PRKN: variants seen among roughly 807,000 people sequenced by gnomAD.
The protein encoded by PRKN is parkin RBR E3 ubiquitin protein ligase.
Under a neutral mutation model 59.5 loss-of-function variants are expected in PRKN, and 56 were observed. That is an observed-to-expected ratio of 0.94 (90% CI 0.76 to 1.18). The LOEUF is 1.18. PRKN is among the 50% of genes most tolerant of loss of function. The pLI, the probability that PRKN is intolerant of heterozygous loss-of-function variation, is 0.00. For missense variants in PRKN, 657 were observed against 596.4 expected, an observed-to-expected ratio of 1.10 and a Z score of -1.06; for synonymous variants, 250 against 222.1, an observed-to-expected ratio of 1.13 and a Z score of -1.12.
intron 9 of PRKN, among the ~76,000 whole-genome samples, chr6:161,535,440 T>G (rs1314139695): frequency 6.6e-6 from 1 of 152,140 alleles, no homozygotes; most frequent in Non-Finnish European, 1.5e-5. Flanking sequence ...TGCACACAAG[T>G]GAATGGTATT....
Position 161,545,404 on chromosome 6 carries a change from C to T in PRKN, c.1083+3450G>A, listed in dbSNP as rs773046024. On this transcript the variant is annotated intron_variant, in intron 9 of 11. Transcript: ENST00000366898. The surrounding 1 kb of genome is among the most constrained non-coding windows in gnomAD (Gnocchi z 4.1). Reference sequence around the variant, plus strand: ...TATTGAATGAGGCACTCACTTCTCCCTGAGGCAGCTTATTTTGTTCTTCGT... The same window carrying T: ...TATTGAATGAGGCACTCACTTCTCCTTGAGGCAGCTTATTTTGTTCTTCGT... The T allele has an allele frequency of 1.1e-5, 18 of 1,612,428 alleles. No individual in the cohort carries two copies. Among genetic ancestry groups the T allele is most frequent in the Non-Finnish European group, 1.5e-5 (18 of 1,179,588 alleles).
chr6:161,728,039 G>A (rs528075257), intron 7 of PRKN, among the ~76,000 whole-genome samples: 2 of 151,994 alleles, frequency 1.3e-5, no homozygotes, highest in African/African-American at 4.8e-5. Flanking sequence ...ACCCATTTTC[G>A]CTTCACTGAT....
intron 7 of PRKN, among the ~76,000 whole-genome samples, chr6:161,776,839 G>A (rs1789946413): frequency 6.6e-6 from 1 of 152,166 alleles, no homozygotes; most frequent in Non-Finnish European, 1.5e-5. Context: ...GATCCTGGTT[G>A]CTTAATGATA....
At chr6:161,948,551 G>A (rs1779866270) in intron 6 of PRKN, among the ~76,000 whole-genome samples, 1 of 152,152 alleles carries the variant, frequency 6.6e-6, no homozygotes, top group Non-Finnish European at 1.5e-5. Context: ...TAAAGAAGGA[G>A]GTGAGAGTTG....
intron 3 of PRKN, among the ~76,000 whole-genome samples, chr6:162,209,751 T>C (rs888083904): frequency 1.3e-5 from 2 of 152,122 alleles, no homozygotes; most frequent in Non-Finnish European, 2.9e-5. Flanking sequence ...ATGTGGCACA[T>C]ATACACCGTG....
intron 1 of PRKN, among the ~76,000 whole-genome samples, chr6:162,449,878 A>C (rs1380575786): frequency 1.3e-5 from 2 of 152,218 alleles, no homozygotes; most frequent in Non-Finnish European, 2.9e-5. Context: ...TGAACAAAAA[A>C]AATGAAGATT....
At chr6:162,172,050 ACTGTTTTATAG>A (rs1358887233) in intron 4 of PRKN, among the ~76,000 whole-genome samples, 3 of 152,212 alleles carry the variant, frequency 2.0e-5, no homozygotes, top group Non-Finnish European at 4.4e-5. Flanking sequence ...GGGTCCTGTT[ACTGTTTTATAG>A]CTGAGGATAT....
rs182905199 is a variant in PRKN, at chr6:161,526,979, G to A, written c.1083+21875C>T. Among the ~76,000 whole-genome samples, 3 of 152,236 alleles carry A rather than the reference G, an allele frequency of 2.0e-5. No homozygotes were observed. The highest frequency in any genetic ancestry group is 1.3e-4 in the Admixed American group (2 of 15,286). ...AAGGTGAGGGGAGGAAATGTATGAT[G>A]AACAAAGGCTATCTTGTTATACCGA... On this transcript the variant is annotated intron_variant, in intron 9 of 11. Transcript: ENST00000366898. The surrounding 1 kb of genome is among the most constrained non-coding windows in gnomAD (Gnocchi z 4.1).
intron 2 of PRKN, among the ~76,000 whole-genome samples, chr6:162,281,931 G>A (rs1780928921): frequency 7.6e-6 from 1 of 132,374 alleles, no homozygotes; most frequent in Non-Finnish European, 1.6e-5. Flanking sequence ...CAGATCATCA[G>A]GCATTAGTTA....
At chr6:162,151,976 A>G (rs1470116330) in intron 4 of PRKN, among the ~76,000 whole-genome samples, 2 of 152,220 alleles carry the variant, frequency 1.3e-5, no homozygotes, top group Admixed American at 1.3e-4. Context: ...AAATAATTAT[A>G]ATGCTTTATG....
chr6:162,537,227 C>T (rs1196476680), intron 1 of PRKN, among the ~76,000 whole-genome samples: 2 of 152,090 alleles, frequency 1.3e-5, no homozygotes, highest in Non-Finnish European at 2.9e-5. Flanking sequence ...CTAATCAATA[C>T]ACGGAAATTT....
intron 7 of PRKN, among the ~76,000 whole-genome samples, chr6:161,700,196 T>C (rs1015257991): frequency 6.6e-6 from 1 of 152,108 alleles, no homozygotes; most frequent in Admixed American, 6.6e-5. Context: ...TCCTTGGCTA[T>C]ACTAATTCCT....
chr6:161,821,228 A>C (rs1390982954), intron 6 of PRKN, among the ~76,000 whole-genome samples: 2 of 152,146 alleles, frequency 1.3e-5, no homozygotes, highest in Non-Finnish European at 2.9e-5. Context: ...ATACCCACTG[A>C]TATCAGTCTG....
chr6:161,657,211 A>AC lies in PRKN; in HGVS notation c.872-87796dup, dbSNP rs200636332. On this transcript the variant is annotated intron_variant, in intron 7 of 11. Coordinates refer to ENST00000366898, the MANE Select transcript of PRKN (RefSeq NM_004562.3). Reference sequence around the variant, plus strand: ...TCACCTTAACTCTTCGTTCTCTTTGACCCCCACATCTCAGCTTGTCCCAGT... The same window carrying AC: ...TCACCTTAACTCTTCGTTCTCTTTGACCCCCCACATCTCAGCTTGTCCCAGT... 8.2e-3 allele frequency among the ~76,000 whole-genome samples: 1,237 copies of AC among 151,734 alleles called. 29 individuals carry two copies. Among genetic ancestry groups the AC allele is most frequent in the African/African-American group, 0.029 (1,179 of 41,366 alleles).
intron 2 of PRKN, among the ~76,000 whole-genome samples, chr6:162,348,456 T>G (rs906547223): frequency 6.6e-6 from 1 of 152,118 alleles, no homozygotes; most frequent in Non-Finnish European, 1.5e-5. Flanking sequence ...TGACGAGGAA[T>G]GCAATAAATA....
intron 5 of PRKN, among the ~76,000 whole-genome samples, chr6:162,045,675 AGAT>A (rs1232641502): frequency 1.3e-5 from 2 of 152,248 alleles, no homozygotes; most frequent in African/African-American, 2.4e-5. Context: ...TGAGTAAGAC[AGAT>A]GATAGCTCCT....
At chr6:162,508,774 C>T (rs1197772130) in intron 1 of PRKN, among the ~76,000 whole-genome samples, 1 of 152,064 alleles carries the variant, frequency 6.6e-6, no homozygotes, top group African/African-American at 2.4e-5. Context: ...GCTATATAAG[C>T]CCGGGAGGTT....
intron 5 of PRKN, among the ~76,000 whole-genome samples, chr6:161,975,966 T>C (rs1181222113): frequency 6.6e-6 from 1 of 152,148 alleles, no homozygotes; most frequent in African/African-American, 2.4e-5. Flanking sequence ...AATGCATTAG[T>C]GCAGTCTTGG....
rs1440023601 is a variant in PRKN at position 161,442,537 on chromosome 6, G to C, written c.1084-55660C>G. Reference sequence around the variant, plus strand: ...CTCCTTAGTGGGCGAGTACAAGAAGGCACTGAATAGCGTGCCGTTCCGCAC... The same window carrying C: ...CTCCTTAGTGGGCGAGTACAAGAAGCCACTGAATAGCGTGCCGTTCCGCAC... On this transcript the variant is annotated intron_variant, in intron 9 of 11. Coordinates refer to ENST00000366898, the MANE Select transcript of PRKN (RefSeq NM_004562.3). This position sits in a 1 kb window ranked among gnomAD's most constrained non-coding sequence, Gnocchi z 4.6. Among the ~76,000 whole-genome samples the C allele has an allele frequency of 6.6e-6, 1 of 152,164 alleles. No individual in the cohort carries two copies. The highest frequency in any genetic ancestry group is 2.4e-5 in the African/African-American group (1 of 41,442).
Sources: allele counts gnomAD v4.1 joint callset (sites outside exome capture counted in the v4.1 genomes callset), GRCh38; gene constraint gnomAD v4.1.1; non-coding constraint Gnocchi (gnomAD v3.1); transcripts MANE v1.5; gene names NCBI Gene and HGNC (gene_info 2026-07-23, HGNC 2026-07-21).